The following CSMD2 variants were observed in gnomAD, a reference collection of about 807,000 sequenced individuals.
CSMD2 encodes CUB and Sushi multiple domains 2.
CSMD2 carries 130 observed loss-of-function variants against 398.5 expected under a neutral mutation model. That is an observed-to-expected ratio of 0.33 (90% CI 0.28 to 0.38). The LOEUF (loss-of-function observed/expected upper bound fraction) is 0.38. CSMD2 is among the 10% of genes least tolerant of loss of function. The probability of loss-of-function intolerance (pLI) is 1.00; values close to 1 mark genes in which losing one functional copy is unlikely to be tolerated. For missense variants in CSMD2, 3,829 were observed against 4,764.9 expected, an observed-to-expected ratio of 0.80 and a Z score of 5.78; for synonymous variants, 1,828 against 1,908.5, an observed-to-expected ratio of 0.96 and a Z score of 1.10.
At chr1:34,003,726 C>G (rs969944905) in intron 3 of CSMD2, among the ~76,000 whole-genome samples, 1 of 152,182 alleles carries the variant, frequency 6.6e-6, no homozygotes, top group African/African-American at 2.4e-5. Context: ...CTGCACCATC[C>G]AGGCACCACA....
chr1:34,165,238 G>A (rs1641778618), upstream of CSMD2: 17 of 1,178,388 alleles, frequency 1.4e-5, no homozygotes, highest in South Asian at 5.1e-4. Flanking sequence ...AATGAACCAA[G>A]TGTCCGCCCG....
chr1:34,080,957 A>AGAAAGAAAGAAAGAAAGAAAGAAAGAAG (rs1558349616), intron 2 of CSMD2, among the ~76,000 whole-genome samples: 1 of 136,412 alleles, frequency 7.3e-6, no homozygotes, highest in East Asian at 1.9e-4. Context: ...AAAGAAAGAA[A>AGAAAGAAAGAAAGAAAGAAAGAAAGAAG]GAAAGAAAGA....
At chr1:33,972,641 C>T (rs768166070) in intron 3 of CSMD2, among the ~76,000 whole-genome samples, 10 of 152,028 alleles carry the variant, frequency 6.6e-5, no homozygotes, top group East Asian at 1.9e-4. Flanking sequence ...GTGGCTTCTC[C>T]GAAGCTGGGA....
At chr1:33,820,414 C>A in intron 8 of CSMD2, 55 bp downstream of exon 8, 1 of 1,235,388 alleles carries the variant, frequency 8.1e-7, no homozygotes, top group Admixed American at 1.7e-5. Context: ...TGTCTTCCTC[C>A]CAGCCAGGCC....
intron 3 of CSMD2, among the ~76,000 whole-genome samples, chr1:33,956,225 T>C (rs1409388845): frequency 6.7e-6 from 1 of 150,124 alleles, no homozygotes; most frequent in Non-Finnish European, 1.5e-5. Context: ...AAAAAAAGAA[T>C]ATTCACATTG....
intron 3 of CSMD2, among the ~76,000 whole-genome samples, chr1:34,009,260 A>G (rs1439933993): frequency 6.6e-6 from 1 of 151,538 alleles, no homozygotes; most frequent in Non-Finnish European, 1.5e-5. Flanking sequence ...GTCTCCCCTT[A>G]TCATTTTAAT....
At chr1:34,005,458 G>A (rs1364265270) in intron 3 of CSMD2, among the ~76,000 whole-genome samples, 1 of 48,576 alleles carries the variant, frequency 2.1e-5, no homozygotes, top group Non-Finnish European at 4.6e-5. Flanking sequence ...ATGATTAGGT[G>A]TAACCCATAT....
chr1:33,710,124 T>C (rs929652206), intron 21 of CSMD2, among the ~76,000 whole-genome samples: 2 of 152,312 alleles, frequency 1.3e-5, no homozygotes, highest in South Asian at 4.1e-4. Flanking sequence ...TGTGGATCCT[T>C]TGGGGCTTGG....
Position 34,163,494 on chromosome 1 carries a change from C to A in CSMD2, c.187+1417G>T, listed in dbSNP as rs146438945. Among the ~76,000 whole-genome samples the A allele has an allele frequency of 1.3e-5, 2 of 152,192 alleles. No individual in the cohort carries two copies. The highest frequency in any genetic ancestry group is 2.9e-5 in the Non-Finnish European group (2 of 67,998). The stretch of plus-strand genomic sequence containing the variant: ...GCGGTTAAGCGGTGGGCGACACGGT[C>A]TGCGAGGACAGACTCACAAGACGCT... On this transcript the variant is annotated intron_variant, in intron 1 of 70. Coordinates refer to ENST00000373381, the MANE Select transcript of CSMD2 (RefSeq NM_001281956.2). The surrounding 1 kb of genome is among the most constrained non-coding windows in gnomAD (Gnocchi z 5.4).
At chr1:34,045,103 G>C (rs1354875062) in intron 2 of CSMD2, among the ~76,000 whole-genome samples, 1 of 151,186 alleles carries the variant, frequency 6.6e-6, no homozygotes, top group Non-Finnish European at 1.5e-5. Flanking sequence ...GTTTTCACTG[G>C]TAATTCCCCT....
intron 29 of CSMD2, among the ~76,000 whole-genome samples, chr1:33,644,752 G>T (rs577616079): frequency 1.2e-4 from 19 of 152,204 alleles, no homozygotes; most frequent in African/African-American, 4.3e-4. Context: ...TCCCAGACTG[G>T]GTCTAAGTTG....
Position 33,624,758 on chromosome 1 carries a change from T to G in CSMD2, c.5501-115A>C. ...GTTTGTCCTCCTCCCCATGGGGGTGTCTCCCTAATGTCCCCAGTCCTGCCT... is the reference window on the plus strand; with the variant it reads ...GTTTGTCCTCCTCCCCATGGGGGTGGCTCCCTAATGTCCCCAGTCCTGCCT... On this transcript the variant is annotated intron_variant, in intron 34 of 70. Coordinates refer to ENST00000373381, the MANE Select transcript of CSMD2 (RefSeq NM_001281956.2). The surrounding 1 kb of genome is among the most constrained non-coding windows in gnomAD (Gnocchi z 4.7). 7.3e-7 allele frequency: 1 copy of G among 1,365,960 alleles called. No individual in the cohort carries two copies. The highest frequency in any genetic ancestry group is 9.9e-7 in the Non-Finnish European group (1 of 1,008,902). The allele number at this position is 1,365,960 out of a possible 1,614,324, so 84.6% of individuals were successfully genotyped here.
chr1:33,743,676 G>C (rs1246741568), intron 13 of CSMD2, 70 bp from the exon 14 acceptor site: 21 of 1,119,272 alleles, frequency 1.9e-5, no homozygotes, highest in Non-Finnish European at 2.6e-5. Context: ...AGGGCTGGCA[G>C]GGGGAACATC....
At position 33,518,756 on chromosome 1, in the gene CSMD2, C is replaced by A. The variant is rs1462434307; in HGVS notation, c.*53+709G>T. Among the ~76,000 whole-genome samples, 2 of 152,140 alleles carry A rather than the reference C, an allele frequency of 1.3e-5. No homozygotes were observed. The highest frequency in any genetic ancestry group is 2.4e-5 in the African/African-American group (1 of 41,426). ...AACTCCTGCTGGAATTTCTAGCCTG[C>A]TGGCCTGCCCTTTAGATTTCCACCT... On this transcript the variant is annotated intron_variant, in intron 70 of 70. Transcript: ENST00000373381. The surrounding 1 kb of genome is among the most constrained non-coding windows in gnomAD (Gnocchi z 4.3).
intron 5 of CSMD2, among the ~76,000 whole-genome samples, chr1:33,869,713 G>T (rs556446934): frequency 6.6e-6 from 1 of 152,148 alleles, no homozygotes; most frequent in Admixed American, 6.5e-5. Flanking sequence ...TTCACTCTGC[G>T]TAGGAGGCAT....
chr1:33,536,722 G>GTCTGTCTT (rs1237322585), intron 62 of CSMD2, among the ~76,000 whole-genome samples: 1 of 95,002 alleles, frequency 1.1e-5, no homozygotes, highest in East Asian at 4.4e-4. Context: ...GAGGACAGAG[G>GTCTGTCTT]TCTCACTCAT....
intron 1 of CSMD2, among the ~76,000 whole-genome samples, chr1:34,118,940 T>C (rs1039423149): frequency 6.6e-6 from 1 of 152,180 alleles, no homozygotes; most frequent in Non-Finnish European, 1.5e-5. Flanking sequence ...CTAATATTTA[T>C]ATGGAATCTT....
Position 33,577,417 on chromosome 1 carries a change from G to A in CSMD2, c.7455C>T (p.Pro2485=), listed in dbSNP as rs780764264. 21 of 1,613,996 alleles carry A rather than the reference G, an allele frequency of 1.3e-5. No homozygotes were observed. Among genetic ancestry groups the A allele is most frequent in the East Asian group, 4.5e-5 (2 of 44,896 alleles). Residue 2485 remains proline, a synonymous_variant, in exon 49 of 71, where the codon CCC becomes CCT. Coordinates refer to ENST00000373381, the MANE Select transcript of CSMD2 (RefSeq NM_001281956.2). Reference sequence around the variant, plus strand: ...TGCAGCCAAAGTGGATGGAGCCCCCGGGCTGGGTGCTGGTCTGGCCTAGGA... The same window carrying A: ...TGCAGCCAAAGTGGATGGAGCCCCCAGGCTGGGTGCTGGTCTGGCCTAGGA... ...GFILGQTSTQ[P]GGSIHFGCNA... is the part of the protein sequence containing the mutation.
intron 10 of CSMD2, among the ~76,000 whole-genome samples, chr1:33,793,612 G>C (rs1654593843): frequency 6.6e-6 from 1 of 152,184 alleles, no homozygotes; most frequent in Non-Finnish European, 1.5e-5. Flanking sequence ...AGGAGCAGTA[G>C]AGTTTTAAAT....
Sources: allele counts gnomAD v4.1 joint callset (sites outside exome capture counted in the v4.1 genomes callset), GRCh38; gene constraint gnomAD v4.1.1; non-coding constraint Gnocchi (gnomAD v3.1); transcripts MANE v1.5; gene names NCBI Gene and HGNC (gene_info 2026-07-23, HGNC 2026-07-21).